MSR1: variants seen among roughly 807,000 people sequenced by gnomAD.
MSR1 encodes macrophage scavenger receptor types I and II.
Under a neutral mutation model 47.2 loss-of-function variants are expected in MSR1, and 53 were observed. That is an observed-to-expected ratio of 1.12 (90% CI 0.90 to 1.41). The LOEUF (loss-of-function observed/expected upper bound fraction) is 1.41. Among genes scored for constraint, MSR1 ranks in the 40% most tolerant of loss-of-function variants. The pLI is 0.00. For missense variants in MSR1, 786 were observed against 546.9 expected, an observed-to-expected ratio of 1.44 and a Z score of -4.36; for synonymous variants, 239 against 185.6, an observed-to-expected ratio of 1.29 and a Z score of -2.34.
At chr8:16,185,547 A>T (rs1230808786) in intron 1 of MSR1, among the ~76,000 whole-genome samples, 1 of 152,126 alleles carries the variant, frequency 6.6e-6, no homozygotes, top group Admixed American at 6.6e-5. Context: ...AAGCACAGTC[A>T]CGCAATCTGA....
chr8:16,187,964 T>A (rs1455004111), intron 1 of MSR1, among the ~76,000 whole-genome samples: 2 of 152,174 alleles, frequency 1.3e-5, no homozygotes, highest in African/African-American at 4.8e-5. Context: ...GCATGAGCCT[T>A]CATTAGCAGG....
intron 8 of MSR1, among the ~76,000 whole-genome samples, chr8:16,134,051 T>G (rs1800326819): frequency 6.6e-6 from 1 of 152,180 alleles, no homozygotes; most frequent in African/African-American, 2.4e-5. Flanking sequence ...CTTCAATATT[T>G]TCTTATCCCT....
intron 1 of MSR1, among the ~76,000 whole-genome samples, chr8:16,192,082 T>C (rs570935084): frequency 2.6e-5 from 4 of 152,152 alleles, no homozygotes; most frequent in Non-Finnish European, 5.9e-5. Flanking sequence ...AAAAGAACTA[T>C]ATCTTATTTT....
intron 4 of MSR1, among the ~76,000 whole-genome samples, chr8:16,167,382 T>G (rs1241383744): frequency 6.6e-6 from 1 of 151,962 alleles, no homozygotes; most frequent in African/African-American, 2.4e-5. Flanking sequence ...CTGTCTCCAC[T>G]AAAAATACAG....
chr8:16,189,203 T>C (rs1312210848), intron 1 of MSR1, among the ~76,000 whole-genome samples: 1 of 142,698 alleles, frequency 7.0e-6, no homozygotes, highest in Non-Finnish European at 1.5e-5. Flanking sequence ...AAACCTTATT[T>C]TATATATATT....
chr8:16,123,057 G>A (rs1800042205), intron 8 of MSR1, among the ~76,000 whole-genome samples: 2 of 151,862 alleles, frequency 1.3e-5, no homozygotes, highest in Admixed American at 6.6e-5. Context: ...GTGTTAGCCA[G>A]GATGGTCTGG....
At chr8:16,126,789 T>C (rs569270847) in intron 8 of MSR1, among the ~76,000 whole-genome samples, 2 of 152,146 alleles carry the variant, frequency 1.3e-5, no homozygotes, top group African/African-American at 2.4e-5. Flanking sequence ...ACTCCTGAGC[T>C]CAAGCGATTT....
chr8:16,115,163 G>A lies in MSR1; in HGVS notation c.1223-4945C>T, dbSNP rs1251039285. ...CACTGCACTCCAGCCTGGGCAACAAGAGCGAAACTCCATCTCGAAAAAAAA... is the reference window on the plus strand; with the variant it reads ...CACTGCACTCCAGCCTGGGCAACAAAAGCGAAACTCCATCTCGAAAAAAAA... On this transcript the variant is annotated intron_variant, in intron 9 of 9. Coordinates refer to ENST00000262101, the MANE Select transcript of MSR1 (RefSeq NM_138715.3). Among the ~76,000 whole-genome samples the A allele has an allele frequency of 1.3e-5, 2 of 152,060 alleles. 1 individual carries two copies. The highest frequency in any genetic ancestry group is 2.9e-5 in the Non-Finnish European group (2 of 67,986).
Position 16,128,252 on chromosome 8 carries a change from A to C in MSR1, c.1034-7646T>G, listed in dbSNP as rs1248193796. Among the ~76,000 whole-genome samples, 4 of 152,112 alleles carry C rather than the reference A, an allele frequency of 2.6e-5. No individual in the cohort carries two copies. The East Asian group carries it at 7.7e-4, about 29-fold the overall frequency. The stretch of plus-strand genomic sequence containing the variant: ...TTGATACCTTCCTATTATGTACTGA[A>C]TTGTGTCGCTCCAATATTCGTATGC... On this transcript the variant is annotated intron_variant, in intron 8 of 9. Transcript: ENST00000262101.
chr8:16,165,568 T>G (rs1318532676), intron 4 of MSR1, among the ~76,000 whole-genome samples: 1 of 152,150 alleles, frequency 6.6e-6, no homozygotes, highest in African/African-American at 2.4e-5. Flanking sequence ...TATGCTTTAT[T>G]ATTGTATTAA....
chr8:16,110,127 G>A lies in MSR1; in HGVS notation c.1314C>T (p.Ala438=), dbSNP rs1214433502. The change falls in exon 10 of 10, where the codon GCC becomes GCT. Residue 438 remains alanine (A), a synonymous_variant. Transcript: ENST00000262101. ...ECKIRQWGTR[A]CSHSEDAGVT... is the part of the protein sequence containing the mutation. ...CTCCAGCATCTTCAGAATGTGAACA[G>A]GCTCTTGTCCCCCATTGCCGAATTT... The A allele has an allele frequency of 6.2e-7, 1 of 1,613,678 alleles. No homozygotes were observed.
At chr8:16,167,464 G>T (rs1801346330) in intron 4 of MSR1, among the ~76,000 whole-genome samples, 1 of 152,144 alleles carries the variant, frequency 6.6e-6, no homozygotes, top group Non-Finnish European at 1.5e-5. Flanking sequence ...AGAATCACTT[G>T]AACCTGGGAG....
chr8:16,183,626 A>G (rs897478705), intron 1 of MSR1, among the ~76,000 whole-genome samples: 2 of 141,694 alleles, frequency 1.4e-5, no homozygotes, highest in African/African-American at 2.6e-5. Context: ...TATAATATAT[A>G]TAATATATAA....
intron 8 of MSR1, among the ~76,000 whole-genome samples, chr8:16,130,509 C>A (rs141997322): frequency 6.6e-6 from 1 of 152,026 alleles, no homozygotes; most frequent in African/African-American, 2.4e-5. Context: ...TAGGTTCAGG[C>A]GTACCTGTGA....
At position 16,188,479 on chromosome 8, in the gene MSR1, C is replaced by T. The variant is rs115797073; in HGVS notation, c.-5+4119G>A. Among the ~76,000 whole-genome samples, 1,142 of 151,936 alleles carry T rather than the reference C, an allele frequency of 7.5e-3. 13 individuals are homozygous for T. The highest frequency in any genetic ancestry group is 0.026 in the African/African-American group (1,096 of 41,412). On this transcript the variant is annotated intron_variant, in intron 1 of 9. Coordinates refer to ENST00000262101, the MANE Select transcript of MSR1 (RefSeq NM_138715.3). The stretch of plus-strand genomic sequence containing the variant: ...CACCTCATTATTTTAATATTTCAAA[C>T]GAATTTTTCAAACTTGAAATTTTTT...
At chr8:16,139,511 G>A (rs962517050) in intron 8 of MSR1, 4 of 982,300 alleles carry the variant, frequency 4.1e-6, no homozygotes, top group African/African-American at 3.5e-5. Flanking sequence ...TCTTGGGTCT[G>A]TGTGTTAAAA....
intron 8 of MSR1, among the ~76,000 whole-genome samples, chr8:16,138,058 C>A (rs967975556): frequency 1.3e-5 from 2 of 150,224 alleles, no homozygotes; most frequent in African/African-American, 2.4e-5. Context: ...ATCAACAATG[C>A]TTTGGAAAAA....
At chr8:16,182,710 A>T (rs1801870221) in intron 1 of MSR1, among the ~76,000 whole-genome samples, 1 of 152,126 alleles carries the variant, frequency 6.6e-6, no homozygotes, top group Non-Finnish European at 1.5e-5. Context: ...ATCTTCAGAA[A>T]CAATAACAGG....
At chr8:16,158,930 A>ATTTTTTT (rs34495946) in intron 5 of MSR1, among the ~76,000 whole-genome samples, 2 of 107,800 alleles carry the variant, frequency 1.9e-5, no homozygotes, top group East Asian at 2.8e-4. Context: ...CCTTTGGTTA[A>ATTTTTTT]TTTTTTTTTT....
Sources: allele counts gnomAD v4.1 joint callset (sites outside exome capture counted in the v4.1 genomes callset), GRCh38; gene constraint gnomAD v4.1.1; transcripts MANE v1.5; gene names NCBI Gene and HGNC (gene_info 2026-07-23, HGNC 2026-07-21).